The following DSTYK variants were observed in gnomAD, a reference collection of about 807,000 sequenced individuals.
DSTYK encodes the protein dual serine/threonine and tyrosine protein kinase, also known as RIP-homologous kinase.
DSTYK carries 34 observed loss-of-function variants against 98.7 expected under a neutral mutation model. That is an observed-to-expected ratio of 0.34 (90% CI 0.26 to 0.46). DSTYK has a LOEUF of 0.46. DSTYK is among the 20% of genes least tolerant of loss of function. The pLI is 1.00. For missense variants in DSTYK, 962 were observed against 1,181.7 expected (o/e 0.81, Z 2.73); for synonymous variants, 462 against 457.3 (o/e 1.01, Z -0.13).
intron 8 of DSTYK, 145 bp from the exon 9 acceptor site, chr1:205,159,824 A>G (rs1391562988): frequency 2.9e-6 from 3 of 1,042,924 alleles, no homozygotes; most frequent in Non-Finnish European, 4.1e-6. Context: ...AGCCCTCAGT[A>G]CAGACAGAGC....
At chr1:205,201,780 C>T (rs926261180) in intron 1 of DSTYK, among the ~76,000 whole-genome samples, 8 of 152,122 alleles carry the variant, frequency 5.3e-5, no homozygotes, top group Non-Finnish European at 1.2e-4. Context: ...AAAGAAAAGG[C>T]TGGGCGCAGT....
At chr1:205,197,270 C>G (rs1192593538) in intron 1 of DSTYK, among the ~76,000 whole-genome samples, 1 of 151,976 alleles carries the variant, frequency 6.6e-6, no homozygotes, top group Non-Finnish European at 1.5e-5. Flanking sequence ...GAAGCACATC[C>G]TTGTTTGGGA....
intron 2 of DSTYK, among the ~76,000 whole-genome samples, chr1:205,173,844 G>A (rs1658144488): frequency 6.6e-6 from 1 of 151,900 alleles, no homozygotes; most frequent in African/African-American, 2.4e-5. Flanking sequence ...TCAGCTTCCT[G>A]AGTAGCTGGG....
intron 1 of DSTYK, among the ~76,000 whole-genome samples, chr1:205,198,753 T>A (rs987313933): frequency 1.3e-5 from 2 of 151,850 alleles, no homozygotes; most frequent in Non-Finnish European, 2.9e-5. Flanking sequence ...CCTGGGAAAT[T>A]CTCTCCCCAT....
chr1:205,147,778 T>A lies in DSTYK; in HGVS notation c.2603-33A>T, dbSNP rs1558596362. On this transcript the variant is annotated intron_variant, in intron 12 of 12. Transcript: ENST00000367162. Reference sequence around the variant, plus strand: ...AAGGAGCATGGAAACAAGATCACAGTGAGAGGGACCCAGCACAACAAAGAG... The same window carrying A: ...AAGGAGCATGGAAACAAGATCACAGAGAGAGGGACCCAGCACAACAAAGAG... 2.5e-6 allele frequency: 4 copies of A among 1,602,266 alleles called. 1 individual carries two copies. In the South Asian group the frequency reaches 4.4e-5, roughly 18 times the overall value.
chr1:205,203,320 C>A (rs1419662607), intron 1 of DSTYK, among the ~76,000 whole-genome samples: 44 of 132,942 alleles, frequency 3.3e-4, no homozygotes, highest in African/African-American at 9.1e-4. Context: ...CCGTCTCTAC[C>A]AAAAAAAAAA....
intron 2 of DSTYK, among the ~76,000 whole-genome samples, chr1:205,172,030 A>G (rs1658079717): frequency 6.6e-6 from 1 of 152,208 alleles, no homozygotes; most frequent in Non-Finnish European, 1.5e-5. Flanking sequence ...AGCTCGGCTC[A>G]CTGCAACCTC....
At chr1:205,195,150 A>AT (rs1300107366) in intron 1 of DSTYK, among the ~76,000 whole-genome samples, 4 of 152,020 alleles carry the variant, frequency 2.6e-5, no homozygotes, top group African/African-American at 9.7e-5. Flanking sequence ...CTAACATTGA[A>AT]TTTTCCATGC....
At chr1:205,168,269 G>A (rs1657948209) in intron 3 of DSTYK, among the ~76,000 whole-genome samples, 2 of 152,244 alleles carry the variant, frequency 1.3e-5, no homozygotes, top group South Asian at 4.1e-4. Context: ...TATGGGCTCA[G>A]GAATCAGACT....
In DSTYK at chr1:205,145,012, A is replaced by C. The variant is rs1471001483; in HGVS notation, c.*2546T>G. ...AGAGTCAAAAGAAAACAGTCTGGAA[A>C]GGGAACTATATAAGACTTTTCCTAA... On this transcript the variant is annotated 3_prime_UTR_variant, in exon 13 of 13. Coordinates refer to ENST00000367162, the MANE Select transcript of DSTYK (RefSeq NM_015375.3). 6.6e-6 allele frequency: 1 copy of C among 152,248 alleles called. No homozygotes were observed. Among genetic ancestry groups the C allele is most frequent in the Non-Finnish European group, 1.5e-5 (1 of 68,040 alleles). 9.4% of individuals were successfully genotyped at this position (152,248 alleles called of 1,614,324 possible). A position where few individuals can be genotyped will look rare whatever the true frequency, so the allele number is the denominator to read the frequency against.
chr1:205,172,948 CACACATGCT>C (rs1255186440), intron 2 of DSTYK: 1 of 152,128 alleles, frequency 6.6e-6, no homozygotes, highest in Non-Finnish European at 1.5e-5. Context: ...TACCCTGAGT[CACACATGCT>C]ACAGTATGAA....
intron 1 of DSTYK, among the ~76,000 whole-genome samples, chr1:205,201,405 C>CAAAAAA (rs67120994): frequency 1.4e-3 from 134 of 95,398 alleles, no homozygotes; most frequent in East Asian, 3.7e-3. Context: ...TTTTTTAATG[C>CAAAAAA]AAAAAAAAAA....
Position 205,159,696 on chromosome 1 carries a change from A to C in DSTYK, c.2106-17T>G. The C allele has an allele frequency of 6.2e-7, 1 of 1,612,622 alleles. No homozygotes were observed. Among genetic ancestry groups the C allele is most frequent in the South Asian group, 1.1e-5 (1 of 90,978 alleles). On this transcript the variant is annotated splice_polypyrimidine_tract_variant and intron_variant, in intron 8 of 12. Transcript: ENST00000367162. ...GGCAGAGACCTGGAGGGAAGGAGAGAGATCTGGGCTACAAGGCTTGGGCTC... is the reference window on the plus strand; with the variant it reads ...GGCAGAGACCTGGAGGGAAGGAGAGCGATCTGGGCTACAAGGCTTGGGCTC...
In DSTYK at chr1:205,160,120, T is replaced by C. The variant is rs760228646; in HGVS notation, c.2099A>G (p.Tyr700Cys). 24 of 1,614,010 alleles carry C rather than the reference T, an allele frequency of 1.5e-5. No individual in the cohort carries two copies. In the African/African-American group the frequency reaches 2.8e-4, roughly 19 times the overall value. The change falls in exon 8 of 13, where the codon TAT becomes TGT. Residue 700 changes from tyrosine (Y) to cysteine (C), a missense_variant. By Grantham distance (194) the Tyr-to-Cys change is radical. Coordinates refer to ENST00000367162, the MANE Select transcript of DSTYK (RefSeq NM_015375.3). ...HWNDLALEFH[Y>C]MRSLPKHERL... ...GAATGAGGCCAGGACCCACCTCATA[T>C]AGTGAAATTCCAAAGCCAGATCATT...
intron 2 of DSTYK, among the ~76,000 whole-genome samples, chr1:205,182,497 G>GGAA (rs375576103): frequency 2.9e-5 from 1 of 34,906 alleles, no homozygotes; most frequent in Non-Finnish European, 7.2e-5. Context: ...GTTAAAAACG[G>GGAA]TAAAAAAAAA....
rs1032924735 is a variant in DSTYK, at chr1:205,143,676, A to C, written c.*3882T>G. On this transcript the variant is annotated 3_prime_UTR_variant, in exon 13 of 13. Coordinates refer to ENST00000367162, the MANE Select transcript of DSTYK (RefSeq NM_015375.3). ...AAAGCCAAAAAATAAAGTGTCATTC[A>C]GTGCAGTTGTCACTTTGCAGCCCTG... The C allele has an allele frequency of 2.0e-5, 3 of 152,630 alleles. No individual in the cohort carries two copies. Among genetic ancestry groups the C allele is most frequent in the Non-Finnish European group, 4.4e-5 (3 of 68,044 alleles). 9.5% of individuals were successfully genotyped at this position (152,630 alleles called of 1,614,324 possible). A position where few individuals can be genotyped will look rare whatever the true frequency, so the allele number is the denominator to read the frequency against.
At chr1:205,167,741 T>A (rs750337550) in intron 3 of DSTYK, among the ~76,000 whole-genome samples, 2 of 152,098 alleles carry the variant, frequency 1.3e-5, no homozygotes, top group Non-Finnish European at 2.9e-5. Context: ...AAGAAAGAAG[T>A]CAGGGAGATC....
Position 205,187,673 on chromosome 1 carries a change from C to A in DSTYK, c.399G>T (p.Gly133=). Residue 133 remains glycine, a synonymous_variant, in exon 2 of 13, where the codon GGG becomes GGT. Coordinates refer to ENST00000367162, the MANE Select transcript of DSTYK (RefSeq NM_015375.3). ...VKCQLLNLLL[G]VQVLPTTKLG... is the part of the protein sequence containing the mutation. The stretch of plus-strand genomic sequence containing the variant: ...GCTTGGTGGTGGGAAGCACCTGCAC[C>A]CCCAACAGCAGATTCAACAGCTGGC... The A allele has an allele frequency of 1.2e-6, 2 of 1,614,166 alleles. No individual in the cohort carries two copies. Among genetic ancestry groups the A allele is most frequent in the Non-Finnish European group, 1.7e-6 (2 of 1,180,038 alleles).
chr1:205,202,225 C>T (rs1248155452), intron 1 of DSTYK: 1 of 582,738 alleles, frequency 1.7e-6, no homozygotes, highest in Non-Finnish European at 3.4e-6. Flanking sequence ...GAGAACCCCA[C>T]AAAATCATGC....
Sources: gnomAD v4.1 joint callset for allele counts (sites outside exome capture counted in the v4.1 genomes callset) on GRCh38, gnomAD v4.1.1 for gene constraint, MANE v1.5 for transcripts, NCBI Gene and HGNC (gene_info 2026-07-23, HGNC 2026-07-21) for gene names.